Variants in NADK observed in about 807,000 individuals in gnomAD.
NADK encodes the protein poly(P)/ATP NAD kinase.
Under a neutral mutation model 49.8 loss-of-function variants are expected in NADK, and 22 were observed. That is an observed-to-expected ratio of 0.44 (90% CI 0.32 to 0.63). The LOEUF is 0.63. NADK is among the 30% of genes least tolerant of loss of function. The pLI, the probability that NADK is intolerant of heterozygous loss-of-function variation, is 0.06. For synonymous variants in NADK, 268 were observed against 253.7 expected (o/e 1.06, Z -0.54); for missense variants, 438 against 609.4 (o/e 0.72, Z 2.96).
chr1:1,775,702 G>A (rs953719677), intron 1 of NADK, among the ~76,000 whole-genome samples: 16 of 152,176 alleles, frequency 1.1e-4, no homozygotes, highest in African/African-American at 2.4e-4. Flanking sequence ...CAAAGTGTGC[G>A]TGGCATCCTC....
At chr1:1,761,668 T>G in intron 3 of NADK, 1 of 338,492 alleles carries the variant, frequency 3.0e-6, no homozygotes, top group Non-Finnish European at 5.7e-6. Context: ...CCGGCTCGCC[T>G]GCCGTCCACT....
chr1:1,766,631 G>A (rs979585810), intron 1 of NADK, among the ~76,000 whole-genome samples: 3 of 151,214 alleles, frequency 2.0e-5, no homozygotes, highest in African/African-American at 7.3e-5. Flanking sequence ...CCAATATTAA[G>A]CCTCAAAGAA....
intron 3 of NADK, among the ~76,000 whole-genome samples, 179 bp from the exon 4 acceptor site, chr1:1,757,489 G>T (rs552719856): frequency 6.6e-6 from 1 of 152,004 alleles, no homozygotes; most frequent in African/African-American, 2.4e-5. Context: ...AGGGTCAGGG[G>T]TCAGTAGGGT....
intron 1 of NADK, among the ~76,000 whole-genome samples, chr1:1,772,556 T>C (rs1646083335): frequency 6.6e-6 from 1 of 152,004 alleles, no homozygotes; most frequent in African/African-American, 2.4e-5. Flanking sequence ...GAGGATCGCT[T>C]GAGTCCAGGA....
chr1:1,766,102 A>C (rs571667422), intron 1 of NADK, among the ~76,000 whole-genome samples: 3 of 149,392 alleles, frequency 2.0e-5, no homozygotes, highest in African/African-American at 4.9e-5. Context: ...CTTCTCTAGC[A>C]AAAAAAAAAT....
chr1:1,759,010 G>T (rs1645626762), intron 3 of NADK: 1 of 1,408,346 alleles, frequency 7.1e-7, no homozygotes, highest in African/African-American at 1.5e-5. Flanking sequence ...GGGCGTGCAG[G>T]TGGCTCACGG....
chr1:1,775,937 C>T (rs747412205), intron 1 of NADK, among the ~76,000 whole-genome samples: 1 of 152,184 alleles, frequency 6.6e-6, no homozygotes, highest in Non-Finnish European at 1.5e-5. Context: ...TTGTCCAGAA[C>T]GGCTGAAGCT....
chr1:1,771,071 T>C (rs1373610694), intron 1 of NADK, among the ~76,000 whole-genome samples: 9 of 146,872 alleles, frequency 6.1e-5, no homozygotes, highest in South Asian at 4.2e-4. Flanking sequence ...TATATATATA[T>C]ATATACACAC....
At chr1:1,776,772 TAA>T (rs33953907) in intron 1 of NADK, among the ~76,000 whole-genome samples, 48,553 of 116,338 alleles carry the variant, frequency 0.42, 10,781 homozygotes, top group Admixed American at 0.55. Flanking sequence ...GACTCTGTCT[TAA>T]AAAAAAAAAA....
chr1:1,756,279 C>T lies in NADK; in HGVS notation c.564G>A (p.Leu188=), dbSNP rs369614480. The change falls in exon 6 of 12, where the codon CTG becomes CTA. Residue 188 remains leucine, a synonymous_variant. Transcript: ENST00000341426. ...TCACCTGGAAAAGCGAGGAAGCGTA[C>T]AGCAGCGTCCCGTCTCCCCCCAGGC... ...IICLGGDGTL[L]YASSLFQGSV... The T allele has an allele frequency of 4.3e-6, 7 of 1,614,040 alleles. No homozygotes were observed. In the African/African-American group the frequency reaches 6.7e-5, roughly 15 times the overall value.
At chr1:1,755,615 A>T in intron 6 of NADK, 139 bp from the exon 7 acceptor site, 1 of 694,426 alleles carries the variant, frequency 1.4e-6, no homozygotes, top group Non-Finnish European at 2.5e-6. Context: ...GGCCATGTGG[A>T]CAAGCGGAGG....
rs1006871981 is a variant in NADK at position 1,754,822 on chromosome 1, CCTTTTT to C, written c.689-130_689-125del. ...TCTCCCAAGTTGACACACTTCTGTG[CCTTTTT>C]CTTTTTATTTTGAGATGGAGTCTCA... On this transcript the variant is annotated intron_variant, in intron 7 of 11. Transcript: ENST00000341426. The surrounding 1 kb of genome is among the most constrained non-coding windows in gnomAD (Gnocchi z 4.3). 9.8e-5 allele frequency: 90 copies of C among 915,022 alleles called. No individual in the cohort carries two copies. The highest frequency in any genetic ancestry group is 2.7e-4 in the African/African-American group (16 of 60,032). 56.7% of individuals were successfully genotyped at this position (915,022 alleles called of 1,614,324 possible). A position where few individuals can be genotyped will look rare whatever the true frequency, so the allele number is the denominator to read the frequency against.
At chr1:1,759,883 C>G (rs748631784) in intron 3 of NADK, 5 of 1,550,668 alleles carry the variant, frequency 3.2e-6, no homozygotes, top group Non-Finnish European at 4.4e-6. Context: ...AGCTGAGATG[C>G]GAGTGACAAA....
intron 1 of NADK, among the ~76,000 whole-genome samples, chr1:1,772,366 GT>G (rs1646078524): frequency 6.6e-6 from 1 of 152,030 alleles, no homozygotes; most frequent in Non-Finnish European, 1.5e-5. Context: ...GTTTTGCCAT[GT>G]TGCCCAGGCT....
At chr1:1,759,591 G>T in intron 3 of NADK, 10 of 1,018,962 alleles carry the variant, frequency 9.8e-6, no homozygotes, top group Non-Finnish European at 1.4e-5. Flanking sequence ...CGGAAGTTCA[G>T]ATGCATGGGA....
Position 1,756,628 on chromosome 1 carries a change from C to A in NADK, c.394-20G>T. On this transcript the variant is annotated intron_variant, in intron 4 of 11. Transcript: ENST00000341426. ...GTTCTCCTGGAAGCAAAGTGCCAAC[C>A]TGCTCATTCCACCTGCAGACCCCAC... is the stretch of plus-strand genomic sequence containing the variant. 6.2e-7 allele frequency: 1 copy of A among 1,613,972 alleles called. No individual in the cohort carries two copies. Among genetic ancestry groups the A allele is most frequent in the Non-Finnish European group, 8.5e-7 (1 of 1,180,020 alleles).
intron 1 of NADK, among the ~76,000 whole-genome samples, chr1:1,774,951 C>CA (rs1292372233): frequency 6.6e-6 from 1 of 151,442 alleles, no homozygotes; most frequent in South Asian, 2.1e-4. Context: ...ACTAAAAATA[C>CA]AAAAAAAATT....
chr1:1,774,158 T>A (rs1011758371), intron 1 of NADK, among the ~76,000 whole-genome samples: 4 of 151,368 alleles, frequency 2.6e-5, no homozygotes, highest in Admixed American at 2.6e-4. Context: ...TGTATGTGTG[T>A]GTGTGTATAT....
At chr1:1,779,045 A>T (rs575858291), upstream of NADK, 1 of 152,480 alleles carries the variant, frequency 6.6e-6, no homozygotes, top group Admixed American at 6.5e-5. Context: ...CGGGGCTGGG[A>T]GGGCGGCCCT....
Sources: allele counts gnomAD v4.1 joint callset (sites outside exome capture counted in the v4.1 genomes callset), GRCh38; gene constraint gnomAD v4.1.1; non-coding constraint Gnocchi (gnomAD v3.1); transcripts MANE v1.5; gene names NCBI Gene and HGNC (gene_info 2026-07-23, HGNC 2026-07-21).